IPCEF1: variants seen among roughly 807,000 people sequenced by gnomAD.
IPCEF1 encodes interaction protein for cytohesin exchange factors 1, also known as interactor protein for cytohesin exchange factors 1.
A neutral mutation model predicts 50.9 loss-of-function variants in IPCEF1; 31 were observed. That is an observed-to-expected ratio of 0.61 (90% confidence interval 0.46 to 0.82). The LOEUF is 0.82. Ranked by LOEUF, IPCEF1 falls within the 40% of genes least tolerant of loss-of-function variation. The pLI is 0.00. For missense variants in IPCEF1, 458 were observed against 514.0 expected (o/e 0.89, Z 1.05); for synonymous variants, 181 against 192.0 (o/e 0.94, Z 0.47).
chr6:154,265,998 A>G (rs761865180), intron 2 of IPCEF1, 34 bp from the exon 3 acceptor site: 5 of 1,253,438 alleles, frequency 4.0e-6, no homozygotes, highest in Admixed American at 3.9e-5. Context: ...GTTAAATGTG[A>G]GATTAAAGTG....
chr6:154,219,958 G>A (rs946052248), intron 7 of IPCEF1, among the ~76,000 whole-genome samples: 2 of 151,350 alleles, frequency 1.3e-5, no homozygotes, highest in Non-Finnish European at 2.9e-5. Context: ...CTTCTAGCTG[G>A]ACAGAGCTGA....
At chr6:154,339,657 G>A (rs533695998) in intron 1 of IPCEF1, among the ~76,000 whole-genome samples, 8 of 151,748 alleles carry the variant, frequency 5.3e-5, no homozygotes, top group South Asian at 2.1e-4. Context: ...TGGTGCAATC[G>A]CAGCTCACTG....
intron 2 of IPCEF1, among the ~76,000 whole-genome samples, chr6:154,283,617 T>C (rs1663931887): frequency 6.6e-6 from 1 of 152,098 alleles, no homozygotes; most frequent in South Asian, 2.1e-4. Context: ...TAAAATTAAA[T>C]AAATTTTTAA....
At chr6:154,264,238 T>A (rs1349114717) in intron 3 of IPCEF1, among the ~76,000 whole-genome samples, 1 of 150,850 alleles carries the variant, frequency 6.6e-6, no homozygotes, top group African/African-American at 2.5e-5. Flanking sequence ...TGACTTCTTT[T>A]TTTTTAAAGA....
rs202121053 is a variant in IPCEF1 at position 154,333,581 on chromosome 6, CAT to C, written c.-62+23089_-62+23090del. 4.8e-3 allele frequency among the ~76,000 whole-genome samples: 730 copies of C among 150,742 alleles called. 1 individual carries two copies. Among genetic ancestry groups the C allele is most frequent in the Non-Finnish European group, 7.8e-3 (526 of 67,766 alleles). ...ATACATATATATATACACACACACA[CAT>C]ATATATACACATATATATGTATACA... is the stretch of plus-strand genomic sequence containing the variant. On this transcript the variant is annotated intron_variant, in intron 1 of 11. Transcript: ENST00000367220.
chr6:154,271,196 A>C (rs1284006781), intron 2 of IPCEF1, among the ~76,000 whole-genome samples: 1 of 64,888 alleles, frequency 1.5e-5, no homozygotes, highest in African/African-American at 3.9e-5. Flanking sequence ...CCATCTCTAC[A>C]AAAAAAAAAT....
chr6:154,213,667 C>G (rs575238450), intron 8 of IPCEF1, among the ~76,000 whole-genome samples: 13 of 152,234 alleles, frequency 8.5e-5, no homozygotes, highest in African/African-American at 2.6e-4. Context: ...CAGCTAAATC[C>G]TCCCTCTTCT....
intron 1 of IPCEF1, among the ~76,000 whole-genome samples, chr6:154,291,249 CA>C (rs1454993786): frequency 6.6e-6 from 1 of 152,148 alleles, no homozygotes; most frequent in African/African-American, 2.4e-5. Context: ...TAAAAGCATA[CA>C]TTTATAAAAA....
At chr6:154,232,916 C>T (rs867565368) in intron 5 of IPCEF1, among the ~76,000 whole-genome samples, 1 of 149,874 alleles carries the variant, frequency 6.7e-6, no homozygotes, top group Admixed American at 6.6e-5. Context: ...GAAAAGAAAA[C>T]AAAAGAGAAG....
In IPCEF1 at chr6:154,196,865, C is replaced by A. The variant is rs117844454; in HGVS notation, c.910+2803G>T. ...ATTTTATTTTTTCAATAGCTTAACA[C>A]TACAGGAGAAAATGTCTAACAGAGT... On this transcript the variant is annotated intron_variant, in intron 10 of 11. Coordinates refer to ENST00000367220, the MANE Select transcript of IPCEF1 (RefSeq NM_001130700.2). Among the ~76,000 whole-genome samples, 792 of 152,264 alleles carry A rather than the reference C, an allele frequency of 5.2e-3. 7 individuals are homozygous for A. The highest frequency in any genetic ancestry group is 6.2e-3 in the Non-Finnish European group (424 of 68,018).
rs1417387983 is a variant in IPCEF1, at chr6:154,160,058, A to G, written c.1105-18T>C. ...TCTTTACACTGTGTGAGTAGAAAAA[A>G]AGGGGAAGGGGGTATGTTGAGAGTG... On this transcript the variant is annotated intron_variant, in intron 11 of 11. Coordinates refer to ENST00000367220, the MANE Select transcript of IPCEF1 (RefSeq NM_001130700.2). 2.5e-6 allele frequency: 4 copies of G among 1,578,884 alleles called. No homozygotes were observed. The highest frequency in any genetic ancestry group is 3.5e-6 in the Non-Finnish European group (4 of 1,154,178).
intron 5 of IPCEF1, among the ~76,000 whole-genome samples, chr6:154,225,488 A>T (rs1410417969): frequency 6.6e-6 from 1 of 152,238 alleles, no homozygotes; most frequent in Non-Finnish European, 1.5e-5. Flanking sequence ...GAAACCAGAC[A>T]CAAAAGCTCA....
intron 1 of IPCEF1, among the ~76,000 whole-genome samples, chr6:154,307,340 C>T (rs769687751): frequency 7.2e-5 from 11 of 152,174 alleles, no homozygotes; most frequent in African/African-American, 1.2e-4. Flanking sequence ...TCTTTGCCTG[C>T]CGCCATCCAT....
intron 1 of IPCEF1, among the ~76,000 whole-genome samples, chr6:154,301,292 G>A (rs898498256): frequency 1.1e-4 from 16 of 152,136 alleles, no homozygotes; most frequent in South Asian, 2.1e-4. Flanking sequence ...GCATTCTTAC[G>A]TGGATCGTCA....
In IPCEF1 at chr6:154,154,619, C is replaced by T. The variant is rs1369457357; in HGVS notation, c.*5209G>A. Reference sequence around the variant, plus strand: ...ATCAAAACGCAGCCATTAAACACTTCCAGCCACATGTTTATTTCTTTGAGA... The same window carrying T: ...ATCAAAACGCAGCCATTAAACACTTTCAGCCACATGTTTATTTCTTTGAGA... On this transcript the variant is annotated 3_prime_UTR_variant, in exon 12 of 12. Coordinates refer to ENST00000367220, the MANE Select transcript of IPCEF1 (RefSeq NM_001130700.2). The T allele has an allele frequency of 6.6e-6, 1 of 152,222 alleles. No homozygotes were observed. Among genetic ancestry groups the T allele is most frequent in the African/African-American group, 2.4e-5 (1 of 41,442 alleles). 9.4% of individuals were successfully genotyped at this position (152,222 alleles called of 1,614,324 possible).
intron 5 of IPCEF1, among the ~76,000 whole-genome samples, chr6:154,245,376 A>G (rs1309609879): frequency 6.6e-6 from 1 of 152,158 alleles, no homozygotes; most frequent in Non-Finnish European, 1.5e-5. Context: ...GTTTGGGGGC[A>G]GAGCAGCAGA....
intron 9 of IPCEF1, among the ~76,000 whole-genome samples, chr6:154,200,729 A>G (rs1415136879): frequency 1.3e-5 from 2 of 152,192 alleles, no homozygotes; most frequent in Non-Finnish European, 2.9e-5. Flanking sequence ...TCCAGAAAAG[A>G]AAAAGAGAGC....
intron 9 of IPCEF1, among the ~76,000 whole-genome samples, chr6:154,201,615 C>T (rs1777073138): frequency 6.6e-6 from 1 of 152,208 alleles, no homozygotes; most frequent in Non-Finnish European, 1.5e-5. Flanking sequence ...CTAAGGAAGG[C>T]CAGGCGCGGT....
At chr6:154,309,133 A>G (rs13191001) in intron 1 of IPCEF1, among the ~76,000 whole-genome samples, 15,179 of 152,128 alleles carry the variant, frequency 0.1, 1,492 homozygotes, top group African/African-American at 0.26. Flanking sequence ...AAAGAAGGGA[A>G]ACTCACTTTT....
Sources: allele counts gnomAD v4.1 joint callset (sites outside exome capture counted in the v4.1 genomes callset), GRCh38; gene constraint gnomAD v4.1.1; transcripts MANE v1.5; gene names NCBI Gene and HGNC (gene_info 2026-07-23, HGNC 2026-07-21).